ZDHHC14: variants seen among roughly 807,000 people sequenced by gnomAD.
The protein encoded by ZDHHC14 is palmitoyltransferase ZDHHC14.
A neutral mutation model predicts 47.7 loss-of-function variants in ZDHHC14; 16 were observed. That is an observed-to-expected ratio of 0.34 (90% CI 0.23 to 0.51). ZDHHC14 has a LOEUF of 0.51. Among genes scored for constraint, ZDHHC14 ranks in the 20% least tolerant of loss-of-function variants. ZDHHC14 has a pLI of 0.97. For synonymous variants in ZDHHC14, 293 were observed against 278.9 expected, an observed-to-expected ratio of 1.05 and a Z score of -0.50; for missense variants, 515 against 662.5, an observed-to-expected ratio of 0.78 and a Z score of 2.44.
At chr6:157,579,254 GT>G (rs1314594653) in intron 2 of ZDHHC14, among the ~76,000 whole-genome samples, 1 of 130,950 alleles carries the variant, frequency 7.6e-6, no homozygotes, top group African/African-American at 2.9e-5. Context: ...CTGGAGTGCA[GT>G]GGCGCGATCT....
intron 1 of ZDHHC14, among the ~76,000 whole-genome samples, chr6:157,496,135 C>T (rs984452461): frequency 6.6e-6 from 1 of 152,206 alleles, no homozygotes; most frequent in Non-Finnish European, 1.5e-5. Flanking sequence ...CTTCCTCTTG[C>T]CATATCCTTT....
At chr6:157,494,347 C>T (rs1313764332) in intron 1 of ZDHHC14, among the ~76,000 whole-genome samples, 1 of 152,200 alleles carries the variant, frequency 6.6e-6, no homozygotes, top group Non-Finnish European at 1.5e-5. Context: ...CACCCTCTGA[C>T]ACTCTTCTCT....
intron 3 of ZDHHC14, among the ~76,000 whole-genome samples, chr6:157,613,222 T>C (rs983802096): frequency 9.2e-5 from 14 of 152,220 alleles, no homozygotes; most frequent in Admixed American, 2.0e-4. Flanking sequence ...TTTCAAACTT[T>C]TTGTGTTTTA....
chr6:157,668,508 AC>A (rs1219005655), intron 8 of ZDHHC14, among the ~76,000 whole-genome samples: 4 of 143,750 alleles, frequency 2.8e-5, no homozygotes, highest in African/African-American at 5.3e-5. Context: ...ACACAGTAAA[AC>A]CCCCATCTCC....
chr6:157,639,485 T>C (rs560650039), intron 5 of ZDHHC14, among the ~76,000 whole-genome samples: 35 of 152,160 alleles, frequency 2.3e-4, no homozygotes, highest in Admixed American at 1.1e-3. Context: ...TTTATATTTT[T>C]AGTAGAGATG....
chr6:157,514,624 A>G (rs141019918), intron 1 of ZDHHC14, among the ~76,000 whole-genome samples: 1 of 152,354 alleles, frequency 6.6e-6, no homozygotes, highest in East Asian at 1.9e-4. Context: ...CAAATGTCAT[A>G]TAACTGTAAC....
chr6:157,382,231 C>T lies in ZDHHC14; in HGVS notation c.210C>T (p.Leu70=), dbSNP rs757317453. The part of the protein sequence containing the change: ...QTGVFYLTLV[L]ILVTSGLFFA... Reference sequence around the variant, plus strand: ...GCGTCTTCTACCTGACGCTCGTCCTCATCCTGGTCACTAGCGGACTCTTCT... The same window carrying T: ...GCGTCTTCTACCTGACGCTCGTCCTTATCCTGGTCACTAGCGGACTCTTCT... Residue 70 remains leucine (L), a synonymous_variant, in exon 1 of 9, where the codon CTC becomes CTT. Coordinates refer to ENST00000359775, the MANE Select transcript of ZDHHC14 (RefSeq NM_024630.3). 5.0e-6 allele frequency: 8 copies of T among 1,611,894 alleles called. No homozygotes were observed. The Admixed American group carries it at 1.0e-4, about 20-fold the overall frequency.
intron 2 of ZDHHC14, among the ~76,000 whole-genome samples, chr6:157,551,330 A>T (rs1443831144): frequency 6.6e-6 from 1 of 152,154 alleles, no homozygotes; most frequent in East Asian, 1.9e-4. Context: ...TGGTTTACAG[A>T]TGAGTAAACT....
intron 1 of ZDHHC14, among the ~76,000 whole-genome samples, chr6:157,382,879 A>G (rs563360887): frequency 2.6e-4 from 40 of 152,312 alleles, no homozygotes; most frequent in Admixed American, 2.4e-3. Flanking sequence ...CTTATTTGCC[A>G]TGAGGTTTCT....
At chr6:157,579,799 G>A (rs535870956) in intron 2 of ZDHHC14, among the ~76,000 whole-genome samples, 3 of 152,232 alleles carry the variant, frequency 2.0e-5, no homozygotes, top group South Asian at 4.1e-4. Context: ...AGAGACTCTG[G>A]GGTTTTCCAG....
chr6:157,451,418 C>T (rs1778800252), intron 1 of ZDHHC14, among the ~76,000 whole-genome samples: 1 of 152,160 alleles, frequency 6.6e-6, no homozygotes, highest in Non-Finnish European at 1.5e-5. Context: ...GCAGTGTATC[C>T]CCAGGTCCTA....
intron 3 of ZDHHC14, among the ~76,000 whole-genome samples, chr6:157,601,890 C>G (rs558680245): frequency 6.6e-6 from 1 of 152,288 alleles, no homozygotes; most frequent in East Asian, 1.9e-4. Flanking sequence ...TTCATTCTGG[C>G]TGGGGAAGGC....
At chr6:157,657,253 G>A (rs1236216854) in intron 8 of ZDHHC14, among the ~76,000 whole-genome samples, 2 of 151,944 alleles carry the variant, frequency 1.3e-5, no homozygotes, top group Admixed American at 1.3e-4. Context: ...TTGCCATGTT[G>A]CCCAGGCTGG....
chr6:157,645,424 C>T (rs893617133), intron 5 of ZDHHC14, among the ~76,000 whole-genome samples: 1 of 152,036 alleles, frequency 6.6e-6, no homozygotes, highest in Non-Finnish European at 1.5e-5. Context: ...CACAGTGAGG[C>T]ACAGAAAAAG....
At chr6:157,428,612 C>G (rs931910089) in intron 1 of ZDHHC14, among the ~76,000 whole-genome samples, 2 of 151,886 alleles carry the variant, frequency 1.3e-5, no homozygotes, top group African/African-American at 4.8e-5. Flanking sequence ...TCCTGCTTAG[C>G]GAGTCCCCCC....
intron 1 of ZDHHC14, among the ~76,000 whole-genome samples, chr6:157,397,794 G>A (rs1441998018): frequency 6.6e-6 from 1 of 152,230 alleles, no homozygotes; most frequent in Non-Finnish European, 1.5e-5. Context: ...CTTTTCTGCA[G>A]CGCTCTGAAG....
chr6:157,408,516 G>T (rs145316253), intron 1 of ZDHHC14, among the ~76,000 whole-genome samples: 1 of 152,148 alleles, frequency 6.6e-6, no homozygotes, highest in Middle Eastern at 3.4e-3. Context: ...TGTTTTCATC[G>T]TTCAGCTCCC....
intron 7 of ZDHHC14, among the ~76,000 whole-genome samples, chr6:157,648,077 C>T (rs749452674): frequency 1.5e-4 from 23 of 152,206 alleles, no homozygotes; most frequent in Non-Finnish European, 3.1e-4. Context: ...CACCCAATGT[C>T]AGAGCCAGTA....
At chr6:157,549,327 G>A (rs112305506) in intron 2 of ZDHHC14, among the ~76,000 whole-genome samples, 6,729 of 152,268 alleles carry the variant, frequency 0.044, 514 homozygotes, top group African/African-American at 0.15. Context: ...GAAGAACTTC[G>A]GGGAATTTCC....
Sources: gnomAD v4.1 joint callset for allele counts (sites outside exome capture counted in the v4.1 genomes callset) on GRCh38, gnomAD v4.1.1 for gene constraint, MANE v1.5 for transcripts, NCBI Gene and HGNC (gene_info 2026-07-23, HGNC 2026-07-21) for gene names.